The following MLPH variants were observed in gnomAD, a reference collection of about 807,000 sequenced individuals.
MLPH encodes the protein exophilin-3.
MLPH carries 51 observed loss-of-function variants against 72.1 expected under a neutral mutation model. The observed-to-expected ratio is 0.71, with a 90% CI of 0.56 to 0.89. MLPH has a LOEUF of 0.89. Ranked by LOEUF, MLPH falls within the 40% of genes least tolerant of loss-of-function variation. MLPH has a pLI of 0.00. For synonymous variants in MLPH, 301 were observed against 310.1 expected (o/e 0.97, Z 0.31); for missense variants, 743 against 759.9 (o/e 0.98, Z 0.26).
In MLPH at chr2:237,525,593, G is replaced by A; in HGVS notation, c.676-8G>A. 1 of 1,614,078 alleles carries A rather than the reference G, an allele frequency of 6.2e-7. No individual in the cohort carries two copies. The highest frequency in any genetic ancestry group is 8.5e-7 in the Non-Finnish European group (1 of 1,179,976). On this transcript the variant is annotated splice_region_variant and splice_polypyrimidine_tract_variant and intron_variant, in intron 6 of 15. Transcript: ENST00000264605. ...CTGCAGAGGAGGCTGACAGCCCCATGTGCTTAGTCCCTCACAGATGAGTCC... is the reference window on the plus strand; with the variant it reads ...CTGCAGAGGAGGCTGACAGCCCCATATGCTTAGTCCCTCACAGATGAGTCC...
chr2:237,494,478 C>T (rs996586843), intron 2 of MLPH, among the ~76,000 whole-genome samples: 12 of 152,178 alleles, frequency 7.9e-5, no homozygotes, highest in African/African-American at 1.2e-4. Context: ...CCCTGAGTCA[C>T]CACAGACCTT....
At chr2:237,534,196 C>T (rs957465033) in intron 8 of MLPH, among the ~76,000 whole-genome samples, 11 of 152,130 alleles carry the variant, frequency 7.2e-5, no homozygotes, top group East Asian at 1.9e-4. Context: ...ATCACTGTGG[C>T]GTAATTAACT....
At chr2:237,533,730 A>G (rs1371008507) in intron 8 of MLPH, among the ~76,000 whole-genome samples, 3 of 152,146 alleles carry the variant, frequency 2.0e-5, no homozygotes, top group Non-Finnish European at 4.4e-5. Context: ...CAGATGCTCA[A>G]CGGGACCAGA....
chr2:237,552,818 C>T (rs879894774), intron 15 of MLPH, among the ~76,000 whole-genome samples: 7 of 152,188 alleles, frequency 4.6e-5, no homozygotes, highest in Admixed American at 4.6e-4. Context: ...GTTTCACTAA[C>T]TTGTCCATGT....
At chr2:237,539,932 C>A (rs1312543465) in intron 9 of MLPH, among the ~76,000 whole-genome samples, 1 of 152,192 alleles carries the variant, frequency 6.6e-6, no homozygotes, top group African/African-American at 2.4e-5. Flanking sequence ...AGCCCAGCCC[C>A]TGAAGCTGGA....
chr2:237,539,212 A>C (rs1330292674), intron 9 of MLPH, among the ~76,000 whole-genome samples: 1 of 152,084 alleles, frequency 6.6e-6, no homozygotes, highest in Non-Finnish European at 1.5e-5. Flanking sequence ...CATCCTCCTG[A>C]GAACAGGTTG....
At position 237,540,409 on chromosome 2, in the gene MLPH, T is replaced by C; in HGVS notation, c.1166T>C (p.Leu389Pro). The change falls in exon 10 of 16, where the codon CTG becomes CCG. Residue 389 changes from leucine to proline, a missense_variant. Physicochemically the swap from Leu to Pro is moderately conservative, Grantham distance 98 (BLOSUM62 -3). Transcript: ENST00000264605. Reference protein sequence around the residue: ...DVEEEALRRKLEELTSNVSDQ... With the variant: ...DVEEEALRRKPEELTSNVSDQ... ...GAGGAGGAGGCCCTGAGGAGGAAGC[T>C]GGAGGAGCTGACCAGCAACGTCAGT... 6.2e-7 allele frequency: 1 copy of C among 1,613,534 alleles called. No individual in the cohort carries two copies. Among genetic ancestry groups the C allele is most frequent in the Non-Finnish European group, 8.5e-7 (1 of 1,179,874 alleles).
In MLPH at chr2:237,541,612, C is replaced by T. The variant is rs781500174; in HGVS notation, c.1446+655C>T. The stretch of plus-strand genomic sequence containing the variant: ...GTCCCCTAGAGCTGTTCAAGGGGAG[C>T]GAGTCAGGCTCTGGACTTTCCCTTC... On this transcript the variant is annotated intron_variant, in intron 11 of 15. Transcript: ENST00000264605. The surrounding 1 kb of genome is among the most constrained non-coding windows in gnomAD (Gnocchi z 5.1). Among the ~76,000 whole-genome samples the T allele has an allele frequency of 6.6e-6, 1 of 152,202 alleles. No homozygotes were observed. Among genetic ancestry groups the T allele is most frequent in the Non-Finnish European group, 1.5e-5 (1 of 68,034 alleles).
At chr2:237,550,328 T>G (rs13398593) in intron 14 of MLPH, among the ~76,000 whole-genome samples, 2 of 152,214 alleles carry the variant, frequency 1.3e-5, no homozygotes, top group African/African-American at 4.8e-5. Flanking sequence ...GCTCTTTGCA[T>G]GCCCTGAGCT....
intron 2 of MLPH, among the ~76,000 whole-genome samples, chr2:237,500,857 C>T (rs1196364940): frequency 2.6e-5 from 4 of 152,092 alleles, no homozygotes; most frequent in East Asian, 1.9e-4. Context: ...CCTCAGGTCA[C>T]GCCACACTGT....
At chr2:237,526,204 C>T (rs77428448) in intron 7 of MLPH, among the ~76,000 whole-genome samples, 1,558 of 152,298 alleles carry the variant, frequency 0.01, 9 homozygotes, top group Non-Finnish European at 0.018. Context: ...ATCAGGAGAT[C>T]TTTAAGCACT....
Position 237,510,168 on chromosome 2 carries a change from C to A in MLPH, c.111-406C>A. On this transcript the variant is annotated intron_variant, in intron 2 of 15. Coordinates refer to ENST00000264605, the MANE Select transcript of MLPH (RefSeq NM_024101.7). This position sits in a 1 kb window ranked among gnomAD's most constrained non-coding sequence, Gnocchi z 4.4. Reference sequence around the variant, plus strand: ...ACCTGGGGCGTTAGCTCAACTCTTGCCCCCCTGCTGAAGGAGACCAAAACA... The same window carrying A: ...ACCTGGGGCGTTAGCTCAACTCTTGACCCCCTGCTGAAGGAGACCAAAACA... 2 of 309,838 alleles carry A rather than the reference C, an allele frequency of 6.5e-6. No individual in the cohort carries two copies. Among genetic ancestry groups the A allele is most frequent in the South Asian group, 6.1e-5 (2 of 32,990 alleles). The allele number at this position is 309,838 out of a possible 1,614,324, so 19.2% of individuals were successfully genotyped here.
Position 237,510,722 on chromosome 2 carries a change from T to C in MLPH, c.259T>C (p.Phe87Leu). Residue 87 changes from phenylalanine to leucine, a missense_variant, in exon 3 of 16, where the codon TTC becomes CTC. Transcript: ENST00000264605. The surrounding 1 kb of genome is among the most constrained non-coding windows in gnomAD (Gnocchi z 4.4). ...AAGGCAGTGCCTGGAATGTGGCCTC[T>C]TCACCTGCAAAAGCTGTGGCCGCGT... ...SKRQCLECGL[F>L]TCKSCGRVHP... 1 of 1,613,740 alleles carries C rather than the reference T, an allele frequency of 6.2e-7. No homozygotes were observed. Among genetic ancestry groups the C allele is most frequent in the Non-Finnish European group, 8.5e-7 (1 of 1,180,038 alleles).
chr2:237,501,663 C>CCA (rs1559337749), intron 2 of MLPH, among the ~76,000 whole-genome samples: 6 of 101,672 alleles, frequency 5.9e-5, no homozygotes, highest in African/African-American at 1.7e-4. Flanking sequence ...CACGTCTCTA[C>CCA]TAAAAAAAAA....
At chr2:237,518,196 G>A in intron 4 of MLPH, 1 of 401,208 alleles carries the variant, frequency 2.5e-6, no homozygotes, top group South Asian at 2.1e-5. Flanking sequence ...GGGTGGATGG[G>A]TGGATGAATA....
Position 237,540,544 on chromosome 2 carries a change from C to G in MLPH, c.1290+11C>G, listed in dbSNP as rs1258479293. The G allele has an allele frequency of 6.2e-7, 1 of 1,607,904 alleles. No individual in the cohort carries two copies. On this transcript the variant is annotated intron_variant, in intron 10 of 15. Transcript: ENST00000264605. Reference sequence around the variant, plus strand: ...CAGGCGGACCCGGAGGTAAGACTATCCCCCAGAGGTCTCAGCAGGACCCTG... The same window carrying G: ...CAGGCGGACCCGGAGGTAAGACTATGCCCCAGAGGTCTCAGCAGGACCCTG...
At chr2:237,523,775 T>C (rs1255209329) in intron 6 of MLPH, among the ~76,000 whole-genome samples, 2 of 152,154 alleles carry the variant, frequency 1.3e-5, no homozygotes, top group African/African-American at 2.4e-5. Flanking sequence ...ATAACAGTGA[T>C]AGTTGATCAG....
intron 6 of MLPH, among the ~76,000 whole-genome samples, chr2:237,523,922 A>T (rs2080244060): frequency 6.6e-6 from 1 of 151,472 alleles, no homozygotes; most frequent in Non-Finnish European, 1.5e-5. Context: ...GGTAAGTAAT[A>T]TGGTTCGGCC....
At chr2:237,516,749 G>A (rs554164398) in intron 4 of MLPH, among the ~76,000 whole-genome samples, 37 of 152,136 alleles carry the variant, frequency 2.4e-4, no homozygotes, top group Non-Finnish European at 4.9e-4. Flanking sequence ...GTTTCTCAGT[G>A]AGTAGATGGA....
Sources: allele counts gnomAD v4.1 joint callset (sites outside exome capture counted in the v4.1 genomes callset), GRCh38; gene constraint gnomAD v4.1.1; non-coding constraint Gnocchi (gnomAD v3.1); transcripts MANE v1.5; gene names NCBI Gene and HGNC (gene_info 2026-07-23, HGNC 2026-07-21).